EMP1: variants seen among roughly 807,000 people sequenced by gnomAD.
EMP1 encodes the protein epithelial membrane protein 1, also known as tumor-associated membrane protein.
Under a neutral mutation model 15.7 loss-of-function variants are expected in EMP1, and 5 were observed. The observed-to-expected ratio is 0.32, with a 90% confidence interval of 0.17 to 0.67. The LOEUF (loss-of-function observed/expected upper bound fraction) is 0.67, where lower values mean the gene tolerates loss of function less well. Ranked by LOEUF, EMP1 falls within the 30% of genes least tolerant of loss-of-function variation. The pLI is 0.74. For missense variants in EMP1, 166 were observed against 194.2 expected (o/e 0.85, Z 0.86); for synonymous variants, 78 against 76.7 (o/e 1.02, Z -0.09).
In EMP1 at chr12:13,211,907, A is replaced by G; in HGVS notation, c.78+319A>G. ...TGAGGTGAACCTGGAGGAGTGGTAG[A>G]TGGCTGAGGTTTCTCTTAGTGAAAG... On this transcript the variant is annotated intron_variant, in intron 2 of 4. Coordinates refer to ENST00000256951, the MANE Select transcript of EMP1 (RefSeq NM_001423.3). The surrounding 1 kb of genome is among the most constrained non-coding windows in gnomAD (Gnocchi z 4.7). 1 of 334,210 alleles carries G rather than the reference A, an allele frequency of 3.0e-6. No individual in the cohort carries two copies. The highest frequency in any genetic ancestry group is 5.5e-6 in the Non-Finnish European group (1 of 180,976). The allele number at this position is 334,210 out of a possible 1,614,324, so 20.7% of individuals were successfully genotyped here. A position where few individuals can be genotyped will look rare whatever the true frequency, so the allele number is the denominator to read the frequency against.
chr12:13,213,531 G>C lies in EMP1; in HGVS notation c.131G>C (p.Cys44Ser), dbSNP rs757231413. Residue 44 changes from cysteine to serine, a missense_variant, in exon 3 of 5, where the codon TGT (cysteine) becomes TCT (serine). By Grantham distance (112) the Cys-to-Ser change is moderately radical (BLOSUM62 -1). Transcript: ENST00000256951. Reference protein sequence around the residue: ...VDASVGLWKNCTNISCSDSLS... With the variant: ...VDASVGLWKNSTNISCSDSLS... ...GCATCAGTAGGTCTTTGGAAAAACT[G>C]TACCAACATTAGCTGCAGTGACAGC... 1.2e-6 allele frequency: 2 copies of C among 1,614,200 alleles called. No individual in the cohort carries two copies. Among genetic ancestry groups the C allele is most frequent in the South Asian group, 2.2e-5 (2 of 91,080 alleles).
intron 1 of EMP1, among the ~76,000 whole-genome samples, chr12:13,210,097 C>T (rs1396343107): frequency 1.3e-5 from 2 of 152,068 alleles, no homozygotes; most frequent in Non-Finnish European, 2.9e-5. Context: ...TTTTGGTTGC[C>T]TGATAAAGAC....
At chr12:13,200,213 C>G (rs1864052412) in intron 1 of EMP1, among the ~76,000 whole-genome samples, 1 of 152,158 alleles carries the variant, frequency 6.6e-6, no homozygotes, top group Non-Finnish European at 1.5e-5. Context: ...TTGCTACCTA[C>G]TAGGTCATGG....
At chr12:13,198,924 C>G (rs1161750332) in intron 1 of EMP1, among the ~76,000 whole-genome samples, 2 of 151,632 alleles carry the variant, frequency 1.3e-5, no homozygotes, top group Non-Finnish European at 2.9e-5. Context: ...CTTTGACAAT[C>G]CCGAAATGTG....
At position 13,213,328 on chromosome 12, in the gene EMP1, A is replaced by G. The variant is rs184883516; in HGVS notation, c.79-151A>G. ...TGAACTTCAGTTTTAATCGGACCTTATTTCCGCCCACAGATAAGCTGCATA... is the reference window on the plus strand; with the variant it reads ...TGAACTTCAGTTTTAATCGGACCTTGTTTCCGCCCACAGATAAGCTGCATA... On this transcript the variant is annotated intron_variant, in intron 2 of 4. Transcript: ENST00000256951. The G allele has an allele frequency of 2.4e-5, 17 of 702,742 alleles. No homozygotes were observed. In the East Asian group the frequency reaches 4.1e-4, roughly 17 times the overall value. 43.5% of individuals were successfully genotyped at this position (702,742 alleles called of 1,614,324 possible). A position where few individuals can be genotyped will look rare whatever the true frequency, so the allele number is the denominator to read the frequency against.
At chr12:13,199,958 CTTCTTCTTTTT>C in intron 1 of EMP1, among the ~76,000 whole-genome samples, 1 of 135,930 alleles carries the variant, frequency 7.4e-6, no homozygotes. Context: ...TCTTCTTCTT[CTTCTTCTTTTT>C]TTTTTTTTTT....
Position 13,219,738 on chromosome 12 carries a change from A to G in EMP1, c.*5047A>G, listed in dbSNP as rs1223014275. The G allele has an allele frequency of 6.6e-6, 1 of 152,210 alleles. No homozygotes were observed. The highest frequency in any genetic ancestry group is 2.4e-5 in the African/African-American group (1 of 41,452). The allele number at this position is 152,210 out of a possible 1,614,324, so 9.4% of individuals were successfully genotyped here. On this transcript the variant is annotated 3_prime_UTR_variant, in exon 5 of 5. Coordinates refer to ENST00000256951, the MANE Select transcript of EMP1 (RefSeq NM_001423.3). ...TAAGAGATTAATTAAACAACAGTGG[A>G]TGGGGAGGAAGAACAGACTTTTGAG...
At chr12:13,204,595 G>A (rs1864094557) in intron 1 of EMP1, among the ~76,000 whole-genome samples, 1 of 152,202 alleles carries the variant, frequency 6.6e-6, no homozygotes, top group Non-Finnish European at 1.5e-5. Flanking sequence ...GGTGTCTTAG[G>A]AAGGAGAGGC....
At position 13,216,661 on chromosome 12, in the gene EMP1, A is replaced by C. The variant is rs1013503591; in HGVS notation, c.*1970A>C. Reference sequence around the variant, plus strand: ...TTGCATTACTCTGGTGGATTGTTCTAGTACTGTATTGGGCTTCTTCGTTAA... The same window carrying C: ...TTGCATTACTCTGGTGGATTGTTCTCGTACTGTATTGGGCTTCTTCGTTAA... On this transcript the variant is annotated 3_prime_UTR_variant, in exon 5 of 5. Transcript: ENST00000256951. 1.8e-6 allele frequency: 1 copy of C among 570,354 alleles called. No homozygotes were observed. Among genetic ancestry groups the C allele is most frequent in the Non-Finnish European group, 3.1e-6 (1 of 324,946 alleles). 35.3% of individuals were successfully genotyped at this position (570,354 alleles called of 1,614,324 possible).
intron 2 of EMP1, 115 bp from the exon 3 acceptor site, chr12:13,213,364 T>C: frequency 4.3e-6 from 4 of 937,076 alleles, no homozygotes; most frequent in Non-Finnish European, 6.6e-6. Context: ...GCCATAGTTA[T>C]AGCTAAATAG....
In EMP1 at chr12:13,215,294, T is replaced by A. The variant is rs1225817786; in HGVS notation, c.*603T>A. 6.5e-6 allele frequency: 1 copy of A among 152,756 alleles called. No individual in the cohort carries two copies. The highest frequency in any genetic ancestry group is 1.9e-4 in the East Asian group (1 of 5,198). The allele number at this position is 152,756 out of a possible 1,614,324, so 9.5% of individuals were successfully genotyped here. A position where few individuals can be genotyped will look rare whatever the true frequency, so the allele number is the denominator to read the frequency against. On this transcript the variant is annotated 3_prime_UTR_variant, in exon 5 of 5. Transcript: ENST00000256951. ...AAGAGAGTTTGTAAGGTCATGCTGG[T>A]GGGTTAGCTAAACCAAGAAGGAGAC...
Position 13,218,562 on chromosome 12 carries a change from T to A in EMP1, c.*3871T>A, listed in dbSNP as rs1864234111. 1 of 152,128 alleles carries A rather than the reference T, an allele frequency of 6.6e-6. No homozygotes were observed. The highest frequency in any genetic ancestry group is 6.5e-5 in the Admixed American group (1 of 15,278). 9.4% of individuals were successfully genotyped at this position (152,128 alleles called of 1,614,324 possible). A position where few individuals can be genotyped will look rare whatever the true frequency, so the allele number is the denominator to read the frequency against. On this transcript the variant is annotated 3_prime_UTR_variant, in exon 5 of 5. Transcript: ENST00000256951. Reference sequence around the variant, plus strand: ...GGTGACTCACTTTAAAGATGTATCATTTGGAGGTAGACACGATTTTCAGAG... The same window carrying A: ...GGTGACTCACTTTAAAGATGTATCAATTGGAGGTAGACACGATTTTCAGAG...
chr12:13,197,269 T>A (rs986172743), intron 1 of EMP1, among the ~76,000 whole-genome samples: 1 of 152,184 alleles, frequency 6.6e-6, no homozygotes, highest in Non-Finnish European at 1.5e-5. Context: ...TTTCACCTCC[T>A]CCGTTTTGAT....
intron 2 of EMP1, among the ~76,000 whole-genome samples, chr12:13,212,718 A>C (rs1178288656): frequency 3.9e-5 from 6 of 152,216 alleles, no homozygotes. Context: ...TAGGTGATGC[A>C]TGTTCCCGGC....
chr12:13,218,503 CTTG>C lies in EMP1; in HGVS notation c.*3816_*3818del, dbSNP rs1483940762. Reference sequence around the variant, plus strand: ...GGGAGGAAGAATGAAAAGAAGAAAACTTGTTGGAAATTTTGGAGTAGATTGTGA... The same window carrying C: ...GGGAGGAAGAATGAAAAGAAGAAAACTTGGAAATTTTGGAGTAGATTGTGA... On this transcript the variant is annotated 3_prime_UTR_variant, in exon 5 of 5. Transcript: ENST00000256951. The C allele has an allele frequency of 2.0e-5, 3 of 151,992 alleles. No homozygotes were observed. Among genetic ancestry groups the C allele is most frequent in the African/African-American group, 7.2e-5 (3 of 41,382 alleles). 9.4% of individuals were successfully genotyped at this position (151,992 alleles called of 1,614,324 possible). A position where few individuals can be genotyped will look rare whatever the true frequency, so the allele number is the denominator to read the frequency against.
At position 13,214,754 on chromosome 12, in the gene EMP1, A is replaced by C; in HGVS notation, c.*63A>C. ...GAGGAAGCCGTTGAATCTGGGAGGGAAGTGGAGGTTGCTGTACAGGAAAAA... is the reference window on the plus strand; with the variant it reads ...GAGGAAGCCGTTGAATCTGGGAGGGCAGTGGAGGTTGCTGTACAGGAAAAA... On this transcript the variant is annotated 3_prime_UTR_variant, in exon 5 of 5. Transcript: ENST00000256951. 3.3e-6 allele frequency: 4 copies of C among 1,228,528 alleles called. No individual in the cohort carries two copies. In the South Asian group the frequency reaches 5.2e-5, roughly 16 times the overall value. The allele number at this position is 1,228,528 out of a possible 1,614,324, so 76.1% of individuals were successfully genotyped here.
Position 13,216,076 on chromosome 12 carries a change from T to C in EMP1, c.*1385T>C. On this transcript the variant is annotated 3_prime_UTR_variant, in exon 5 of 5. Coordinates refer to ENST00000256951, the MANE Select transcript of EMP1 (RefSeq NM_001423.3). ...CGCAGGAGCACCTCTATACAGGACT[T>C]AGAAGTAGTATGTTATTCCTGGTTA... is the stretch of plus-strand genomic sequence containing the variant. 6.4e-6 allele frequency: 2 copies of C among 314,454 alleles called. No homozygotes were observed. The highest frequency in any genetic ancestry group is 1.2e-5 in the Non-Finnish European group (2 of 168,620). The allele number at this position is 314,454 out of a possible 1,614,324, so 19.5% of individuals were successfully genotyped here.
chr12:13,206,927 T>TTG (rs58176335), intron 1 of EMP1, among the ~76,000 whole-genome samples: 1,918 of 149,122 alleles, frequency 0.013, 58 homozygotes, highest in African/African-American at 0.044. Context: ...ATTCTTTCAT[T>TTG]TGTGTGTGTG....
intron 1 of EMP1, among the ~76,000 whole-genome samples, chr12:13,201,037 C>T (rs771038938): frequency 9.8e-5 from 15 of 152,292 alleles, no homozygotes; most frequent in Middle Eastern, 3.4e-3. Context: ...GTTATCTTGA[C>T]GCTGCCATGT....
Sources: allele counts gnomAD v4.1 joint callset (sites outside exome capture counted in the v4.1 genomes callset), GRCh38; gene constraint gnomAD v4.1.1; non-coding constraint Gnocchi (gnomAD v3.1); transcripts MANE v1.5; gene names NCBI Gene and HGNC (gene_info 2026-07-23, HGNC 2026-07-21).